Variants in CAMTA1 observed in about 807,000 individuals in gnomAD.
The protein encoded by CAMTA1 is calmodulin binding transcription activator 1.
A neutral mutation model predicts 170.9 loss-of-function variants in CAMTA1; 27 were observed. The ratio of observed to expected loss-of-function variants is 0.16; its 90% CI spans 0.12 to 0.22. The LOEUF (loss-of-function observed/expected upper bound fraction) is 0.22, where lower values mean the gene tolerates loss of function less well. Among genes scored for constraint, CAMTA1 ranks in the 10% least tolerant of loss-of-function variants. The pLI, the probability that CAMTA1 is intolerant of heterozygous loss-of-function variation, is 1.00. For synonymous variants in CAMTA1, 833 were observed against 891.5 expected, an observed-to-expected ratio of 0.93 and a Z score of 1.17; for missense variants, 1,619 against 2,217.2, an observed-to-expected ratio of 0.73 and a Z score of 5.42.
chr1:7,583,576 T>C (rs1431771072), intron 6 of CAMTA1, among the ~76,000 whole-genome samples: 1 of 152,056 alleles, frequency 6.6e-6, no homozygotes, highest in Non-Finnish European at 1.5e-5. Flanking sequence ...CCAGCAGTCT[T>C]CCCCTGTGTG....
intron 2 of CAMTA1, among the ~76,000 whole-genome samples, chr1:6,824,432 C>T (rs1260661842): frequency 6.6e-6 from 1 of 151,898 alleles, no homozygotes; most frequent in African/African-American, 2.4e-5. Context: ...TATTTTTTCT[C>T]TAACTCATTT....
intron 3 of CAMTA1, among the ~76,000 whole-genome samples, chr1:6,932,129 G>A (rs867697849): frequency 1.7e-4 from 26 of 152,232 alleles, no homozygotes; most frequent in African/African-American, 4.1e-4. Flanking sequence ...GATAATGAAC[G>A]TACCCATCAC....
intron 6 of CAMTA1, among the ~76,000 whole-genome samples, chr1:7,567,163 G>A (rs1253627314): frequency 6.6e-6 from 1 of 152,242 alleles, no homozygotes; most frequent in Non-Finnish European, 1.5e-5. Context: ...GGCACTCTGA[G>A]GAGGCAGCTT....
chr1:6,961,634 T>C (rs1426166607), intron 3 of CAMTA1, among the ~76,000 whole-genome samples: 1 of 152,094 alleles, frequency 6.6e-6, no homozygotes, highest in African/African-American at 2.4e-5. Context: ...AGGGTGAGGC[T>C]TCTGAAAGGA....
At chr1:6,912,492 A>T (rs950948149) in intron 3 of CAMTA1, among the ~76,000 whole-genome samples, 1 of 152,256 alleles carries the variant, frequency 6.6e-6, no homozygotes, top group Non-Finnish European at 1.5e-5. Flanking sequence ...CTGTCTTTAC[A>T]TAAAGAGCCC....
At chr1:6,928,629 C>T (rs1264267895) in intron 3 of CAMTA1, among the ~76,000 whole-genome samples, 1 of 152,208 alleles carries the variant, frequency 6.6e-6, no homozygotes. Flanking sequence ...CTCCTCCTCC[C>T]TCACTGACTT....
chr1:6,960,381 T>C (rs1235845722), intron 3 of CAMTA1, among the ~76,000 whole-genome samples: 2 of 151,892 alleles, frequency 1.3e-5, no homozygotes, highest in Non-Finnish European at 1.5e-5. Context: ...TTGGAGGAGC[T>C]GCGTGTCCTC....
At chr1:7,110,490 C>T (rs1643957453) in intron 4 of CAMTA1, among the ~76,000 whole-genome samples, 1 of 152,234 alleles carries the variant, frequency 6.6e-6, no homozygotes, top group African/African-American at 2.4e-5. Context: ...AGTTCAGCTC[C>T]TTGCCTTCTG....
At chr1:6,919,573 T>TTGA (rs142755271) in intron 3 of CAMTA1, among the ~76,000 whole-genome samples, 19,217 of 152,206 alleles carry the variant, frequency 0.13, 1,375 homozygotes, top group East Asian at 0.23. Flanking sequence ...TTCCCAAACC[T>TTGA]TGATGATGAA....
intron 6 of CAMTA1, among the ~76,000 whole-genome samples, chr1:7,546,113 G>A (rs1427855462): frequency 6.6e-6 from 1 of 152,014 alleles, no homozygotes; most frequent in African/African-American, 2.4e-5. Flanking sequence ...CTGCCACCAC[G>A]CCTGGCTAAA....
intron 5 of CAMTA1, chr1:7,441,292 A>G (rs1232385735): frequency 1.3e-5 from 2 of 152,264 alleles, no homozygotes; most frequent in Admixed American, 6.5e-5. Context: ...TTGATGCTTG[A>G]CTGAAAAACT....
rs2095194345 is a variant in CAMTA1, at chr1:7,576,443, C to T, written c.511-63957C>T. Among the ~76,000 whole-genome samples, 4 of 152,236 alleles carry T rather than the reference C, an allele frequency of 2.6e-5. No homozygotes were observed. In the South Asian group the frequency reaches 8.3e-4, roughly 32 times the overall value. ...GCGTTGTTTAGGTTATGAGTGAATA[C>T]AATTAGTGCCCTTATAAAACCTTAT... On this transcript the variant is annotated intron_variant, in intron 6 of 22. Transcript: ENST00000303635.
intron 5 of CAMTA1, among the ~76,000 whole-genome samples, chr1:7,304,957 G>T (rs1349828691): frequency 6.6e-6 from 1 of 151,680 alleles, no homozygotes; most frequent in Non-Finnish European, 1.5e-5. Context: ...AAATGTTTTT[G>T]GTATTTTAAT....
At chr1:7,091,187 A>G (rs867064998) in intron 3 of CAMTA1, 117 bp from the exon 4 acceptor site, 22 of 727,936 alleles carry the variant, frequency 3.0e-5, no homozygotes, top group Admixed American at 2.1e-5. Context: ...TCTAGCAGGG[A>G]TGGAGTTCCA....
chr1:6,946,301 C>T (rs1482447292), intron 3 of CAMTA1, among the ~76,000 whole-genome samples: 1 of 151,968 alleles, frequency 6.6e-6, no homozygotes, highest in African/African-American at 2.4e-5. Flanking sequence ...AAGCGATCCT[C>T]CTCCCTAAGC....
intron 1 of CAMTA1, among the ~76,000 whole-genome samples, chr1:6,785,943 G>A (rs1419266967): frequency 6.7e-6 from 1 of 148,994 alleles, no homozygotes. Context: ...CCGCTGCGCG[G>A]CCCCCGCACC....
Position 7,665,944 on chromosome 1 carries a change from G to A in CAMTA1, c.2652+745G>A, listed in dbSNP as rs904498758. Reference sequence around the variant, plus strand: ...GCACTTTGGGAGGCCAAGGTGGGTGGATCACCTGAGGTCAGGAGTTCGAGA... The same window carrying A: ...GCACTTTGGGAGGCCAAGGTGGGTGAATCACCTGAGGTCAGGAGTTCGAGA... On this transcript the variant is annotated intron_variant, in intron 9 of 22. Transcript: ENST00000303635. This position sits in a 1 kb window ranked among gnomAD's most constrained non-coding sequence, Gnocchi z 4.3. Among the ~76,000 whole-genome samples, 1 of 152,208 alleles carries A rather than the reference G, an allele frequency of 6.6e-6. No homozygotes were observed. The highest frequency in any genetic ancestry group is 1.5e-5 in the Non-Finnish European group (1 of 68,006).
chr1:7,718,869 T>TA (rs5772288), intron 11 of CAMTA1, among the ~76,000 whole-genome samples: 4 of 147,854 alleles, frequency 2.7e-5, no homozygotes, highest in South Asian at 2.3e-4. Context: ...TTTTTTTTTT[T>TA]AAAGACCTCA....
At chr1:6,806,848 GTTA>G in intron 1 of CAMTA1, 1 of 398,514 alleles carries the variant, frequency 2.5e-6, no homozygotes. Flanking sequence ...TTATATAATT[GTTA>G]TTATTACTGG....
Sources: allele counts gnomAD v4.1 joint callset (sites outside exome capture counted in the v4.1 genomes callset), GRCh38; gene constraint gnomAD v4.1.1; non-coding constraint Gnocchi (gnomAD v3.1); transcripts MANE v1.5; gene names NCBI Gene and HGNC (gene_info 2026-07-23, HGNC 2026-07-21).